The following KCND2 variants were observed in gnomAD, a reference collection of about 807,000 sequenced individuals.
KCND2 encodes the protein potassium voltage-gated channel subfamily D member 2.
Under a neutral mutation model 54.4 loss-of-function variants are expected in KCND2, and 16 were observed. The ratio of observed to expected loss-of-function variants is 0.29; its 90% CI spans 0.20 to 0.45. KCND2 has a LOEUF of 0.45. Ranked by LOEUF, KCND2 falls within the 20% of genes least tolerant of loss-of-function variation. The pLI is 1.00. For missense variants in KCND2, 486 were observed against 824.2 expected (o/e 0.59, Z 5.02); for synonymous variants, 317 against 310.7 (o/e 1.02, Z -0.21).
At chr7:120,460,685 A>G (rs73435844) in intron 1 of KCND2, among the ~76,000 whole-genome samples, 3,442 of 152,096 alleles carry the variant, frequency 0.023, 139 homozygotes, top group African/African-American at 0.078. Context: ...CAGCTTGTGA[A>G]GGTATCGGAG....
chr7:120,571,105 A>G (rs1310002945), intron 1 of KCND2, among the ~76,000 whole-genome samples: 1 of 152,112 alleles, frequency 6.6e-6, no homozygotes, highest in Admixed American at 6.6e-5. Context: ...ACTGAAACAG[A>G]TCGTGTAAGT....
intron 1 of KCND2, among the ~76,000 whole-genome samples, chr7:120,585,230 A>G (rs1481073133): frequency 6.6e-6 from 1 of 151,772 alleles, no homozygotes; most frequent in African/African-American, 2.4e-5. Context: ...CACAAAACTC[A>G]CCTCTGTGAA....
intron 1 of KCND2, among the ~76,000 whole-genome samples, chr7:120,285,404 CAAG>C (rs1452706915): frequency 6.7e-6 from 1 of 149,220 alleles, no homozygotes; most frequent in Non-Finnish European, 1.5e-5. Context: ...AATATACAAT[CAAG>C]AAAGTATTAA....
chr7:120,563,685 C>T (rs550099498), intron 1 of KCND2, among the ~76,000 whole-genome samples: 3 of 152,238 alleles, frequency 2.0e-5, no homozygotes, highest in Admixed American at 1.3e-4. Flanking sequence ...AAACTGAACC[C>T]TCACAGTATT....
chr7:120,575,257 T>C (rs1158957580), intron 1 of KCND2, among the ~76,000 whole-genome samples: 1 of 152,088 alleles, frequency 6.6e-6, no homozygotes, highest in Admixed American at 6.6e-5. Context: ...AAGCCAACAG[T>C]GCAGCCTTCA....
intron 1 of KCND2, among the ~76,000 whole-genome samples, chr7:120,720,480 A>T (rs1792652787): frequency 6.6e-6 from 1 of 152,088 alleles, no homozygotes; most frequent in Non-Finnish European, 1.5e-5. Flanking sequence ...AGTGATCCAG[A>T]TGCCAGCAGA....
intron 1 of KCND2, among the ~76,000 whole-genome samples, chr7:120,711,081 C>A (rs542729437): frequency 3.3e-5 from 5 of 151,972 alleles, no homozygotes; most frequent in African/African-American, 1.2e-4. Flanking sequence ...ACAATTAGAA[C>A]TATGCATATG....
At chr7:120,736,615 A>G (rs1792874082) in intron 2 of KCND2, among the ~76,000 whole-genome samples, 1 of 152,030 alleles carries the variant, frequency 6.6e-6, no homozygotes, top group Admixed American at 6.6e-5. Flanking sequence ...TCATATAATA[A>G]TCATAGTAGT....
At chr7:120,742,426 G>C in intron 3 of KCND2, 84 bp from the exon 4 acceptor site, 1 of 1,067,222 alleles carries the variant, frequency 9.4e-7, no homozygotes, top group South Asian at 1.3e-5. Context: ...TAATAGAGCA[G>C]ATCTCTCTGT....
At chr7:120,726,373 A>G (rs1470521210) in intron 1 of KCND2, among the ~76,000 whole-genome samples, 3 of 152,200 alleles carry the variant, frequency 2.0e-5, no homozygotes, top group East Asian at 3.8e-4. Context: ...CAGCTACTGT[A>G]AAAATCATCC....
At chr7:120,594,818 G>A (rs1187555202) in intron 1 of KCND2, among the ~76,000 whole-genome samples, 3 of 152,032 alleles carry the variant, frequency 2.0e-5, no homozygotes, top group African/African-American at 7.2e-5. Flanking sequence ...TCAGGAGTTC[G>A]AGACCAGCCT....
chr7:120,621,276 C>CAAAAAA (rs1175736454), intron 1 of KCND2, among the ~76,000 whole-genome samples: 24 of 47,194 alleles, frequency 5.1e-4, no homozygotes, highest in African/African-American at 1.2e-3. Flanking sequence ...GACTCCGTCT[C>CAAAAAA]AAAAAAAAAA....
At chr7:120,681,549 CAT>C (rs987348921) in intron 1 of KCND2, among the ~76,000 whole-genome samples, 32 of 148,528 alleles carry the variant, frequency 2.2e-4, no homozygotes, top group Admixed American at 1.4e-3. Context: ...TCTCTCTCTC[CAT>C]ATATATATAT....
intron 1 of KCND2, among the ~76,000 whole-genome samples, chr7:120,649,022 T>G (rs1306186248): frequency 6.6e-6 from 1 of 152,160 alleles, no homozygotes; most frequent in African/African-American, 2.4e-5. Context: ...TAAAAACACA[T>G]AGATTCATAG....
At chr7:120,621,470 C>A (rs1168531690) in intron 1 of KCND2, among the ~76,000 whole-genome samples, 3 of 151,848 alleles carry the variant, frequency 2.0e-5, no homozygotes, top group African/African-American at 7.3e-5. Context: ...AACCCAAGAA[C>A]CCCCAAATAC....
At chr7:120,384,611 AAT>A (rs1800961915) in intron 1 of KCND2, among the ~76,000 whole-genome samples, 1 of 152,160 alleles carries the variant, frequency 6.6e-6, no homozygotes, top group Admixed American at 6.6e-5. Flanking sequence ...ACTGGATCTA[AAT>A]ATCTTTTACA....
chr7:120,637,054 A>T (rs1363228746), intron 1 of KCND2, among the ~76,000 whole-genome samples: 2 of 152,106 alleles, frequency 1.3e-5, no homozygotes, highest in Non-Finnish European at 2.9e-5. Flanking sequence ...CAACAGGCAT[A>T]CATTGTGTAC....
At chr7:120,351,365 TACACACACAC>T (rs59756091) in intron 1 of KCND2, among the ~76,000 whole-genome samples, 1,099 of 94,734 alleles carry the variant, frequency 0.012, 15 homozygotes, top group African/African-American at 0.033. Flanking sequence ...TCGAAGAGCA[TACACACACAC>T]ACACACACAC....
chr7:120,661,096 G>T (rs1791860147), intron 1 of KCND2, among the ~76,000 whole-genome samples: 1 of 152,002 alleles, frequency 6.6e-6, no homozygotes, highest in Non-Finnish European at 1.5e-5. Flanking sequence ...TACCCAATAG[G>T]GTTGATATCT....
Sources: allele counts gnomAD v4.1 joint callset (sites outside exome capture counted in the v4.1 genomes callset), GRCh38; gene constraint gnomAD v4.1.1; transcripts MANE v1.5; gene names NCBI Gene and HGNC (gene_info 2026-07-23, HGNC 2026-07-21).